The following COPG2 variants were observed in gnomAD, a reference collection of about 807,000 sequenced individuals.
COPG2 encodes the protein coat protein complex I subunit gamma 2, also known as coatomer subunit gamma-2.
Under a neutral mutation model 46.3 loss-of-function variants are expected in COPG2, and 37 were observed. That is an observed-to-expected ratio of 0.80 (90% CI 0.61 to 1.05). The LOEUF (loss-of-function observed/expected upper bound fraction) is 1.05. COPG2 is among the 50% of genes least tolerant of loss of function. The pLI is 0.00. For synonymous variants in COPG2, 159 were observed against 129.7 expected (o/e 1.23, Z -1.53); for missense variants, 427 against 387.8 (o/e 1.10, Z -0.85).
chr7:130,560,963 T>C (rs1793709584), intron 12 of COPG2, 70 bp downstream of exon 12: 2 of 398,042 alleles, frequency 5.0e-6, no homozygotes, highest in South Asian at 1.3e-4. Flanking sequence ...GCTTCTCAAA[T>C]GATACCGTTA....
intron 17 of COPG2, 85 bp downstream of exon 17, chr7:130,550,439 C>T (rs1793520244): frequency 4.5e-6 from 1 of 223,672 alleles, no homozygotes; most frequent in Non-Finnish European, 7.9e-6. Context: ...AAAAGAGTGA[C>T]AATTAAATGA....
At chr7:130,565,135 A>G (rs2116407368) in intron 9 of COPG2, among the ~76,000 whole-genome samples, 1 of 152,354 alleles carries the variant, frequency 6.6e-6, no homozygotes, top group South Asian at 2.1e-4. Context: ...AACAGCCACT[A>G]AAGACCTGAC....
chr7:130,611,190 C>T (rs11764222), intron 8 of COPG2, 80 bp from the exon 9 acceptor site: 196 of 1,315,098 alleles, frequency 1.5e-4, no homozygotes, highest in Non-Finnish European at 2.0e-4. Flanking sequence ...TTACACGGAA[C>T]TAGATTAAAG....
intron 20 of COPG2, among the ~76,000 whole-genome samples, chr7:130,533,131 G>A (rs955835053): frequency 6.6e-6 from 1 of 152,128 alleles, no homozygotes; most frequent in Non-Finnish European, 1.5e-5. Context: ...GAGCAGCTTA[G>A]AGAGGTGAGC....
At chr7:130,658,731 AGT>A (rs1297716968) in intron 4 of COPG2, among the ~76,000 whole-genome samples, 2 of 151,480 alleles carry the variant, frequency 1.3e-5, no homozygotes, top group Non-Finnish European at 2.9e-5. Flanking sequence ...CCTGGGCTGG[AGT>A]GCAGTGGCAC....
chr7:130,664,856 T>C (rs1313659684), intron 3 of COPG2, among the ~76,000 whole-genome samples: 2 of 152,222 alleles, frequency 1.3e-5, no homozygotes, highest in African/African-American at 4.8e-5. Flanking sequence ...GGGATTATGT[T>C]GTTTGTGAAC....
chr7:130,590,145 G>A (rs1044498784), intron 9 of COPG2, among the ~76,000 whole-genome samples: 2 of 151,964 alleles, frequency 1.3e-5, no homozygotes, highest in African/African-American at 4.8e-5. Flanking sequence ...TTTTATGAAT[G>A]TAAGAGTCCA....
chr7:130,631,843 T>C (rs1022586446), intron 5 of COPG2, among the ~76,000 whole-genome samples: 1 of 152,214 alleles, frequency 6.6e-6, no homozygotes, highest in Non-Finnish European at 1.5e-5. Flanking sequence ...CTTCATTTCT[T>C]TGCATAGATC....
At position 130,578,536 on chromosome 7, in the gene COPG2, G is replaced by C. The variant is rs1203877532; in HGVS notation, c.738-14143C>G. The stretch of plus-strand genomic sequence containing the variant: ...GAGCTGAGAGAAGAAGGCTTCAGAC[G>C]ATCAAATTACTCTGAGCTACGGGAG... On this transcript the variant is annotated intron_variant, in intron 9 of 23. Coordinates refer to ENST00000425248, the MANE Select transcript of COPG2 (RefSeq NM_012133.6). Among the ~76,000 whole-genome samples the C allele has an allele frequency of 5.3e-5, 8 of 150,894 alleles. No homozygotes were observed. The South Asian group carries it at 1.5e-3, about 28-fold the overall frequency.
At chr7:130,612,828 C>T (rs1227189354) in intron 7 of COPG2, among the ~76,000 whole-genome samples, 15 of 152,062 alleles carry the variant, frequency 9.9e-5, no homozygotes, top group Admixed American at 3.3e-4. Flanking sequence ...GAAGGATACA[C>T]GTAGACAAAG....
At chr7:130,567,655 C>T (rs930910908) in intron 9 of COPG2, among the ~76,000 whole-genome samples, 150 of 152,164 alleles carry the variant, frequency 9.9e-4, no homozygotes, top group African/African-American at 3.2e-3. Context: ...GGGGTCCTAT[C>T]GATAGCCTCC....
intron 20 of COPG2, among the ~76,000 whole-genome samples, chr7:130,534,989 C>T (rs1481180835): frequency 2.0e-5 from 3 of 151,998 alleles, no homozygotes; most frequent in Non-Finnish European, 2.9e-5. Flanking sequence ...AAAAGGCAGC[C>T]GTAAGGGAAG....
chr7:130,660,194 G>A (rs191470833), intron 4 of COPG2, among the ~76,000 whole-genome samples: 1 of 152,182 alleles, frequency 6.6e-6, no homozygotes, highest in Admixed American at 6.5e-5. Flanking sequence ...ATCACATCAT[G>A]CTGTACATGG....
At chr7:130,646,728 G>C (rs1299092219) in intron 5 of COPG2, among the ~76,000 whole-genome samples, 3 of 151,846 alleles carry the variant, frequency 2.0e-5, no homozygotes, top group African/African-American at 7.3e-5. Flanking sequence ...GTTCTCATGA[G>C]ATCTGATAGT....
At chr7:130,544,567 C>T (rs1346356817) in intron 20 of COPG2, among the ~76,000 whole-genome samples, 1 of 151,704 alleles carries the variant, frequency 6.6e-6, no homozygotes, top group Non-Finnish European at 1.5e-5. Flanking sequence ...TAAATAAAAG[C>T]AATATAAAGA....
At chr7:130,570,486 T>C (rs566729372) in intron 9 of COPG2, among the ~76,000 whole-genome samples, 1 of 152,100 alleles carries the variant, frequency 6.6e-6, no homozygotes, top group South Asian at 2.1e-4. Context: ...TAGGAATATA[T>C]CTAACCAAGG....
rs1005061513 is a variant in COPG2 at position 130,552,446 on chromosome 7, C to T, written c.1469-16G>A. 27 of 397,862 alleles carry T rather than the reference C, an allele frequency of 6.8e-5. No homozygotes were observed. The highest frequency in any genetic ancestry group is 5.6e-4 in the African/African-American group (27 of 48,482). The allele number at this position is 397,862 out of a possible 1,614,324, so 24.6% of individuals were successfully genotyped here. On this transcript the variant is annotated splice_polypyrimidine_tract_variant and intron_variant, in intron 14 of 23. Coordinates refer to ENST00000425248, the MANE Select transcript of COPG2 (RefSeq NM_012133.6). ...CTCACAGCAGCTATAATGAAGCATA[C>T]AATTATGGTACATAAATATTGGTTT...
At chr7:130,643,898 G>T (rs1286443438) in intron 5 of COPG2, among the ~76,000 whole-genome samples, 1 of 152,196 alleles carries the variant, frequency 6.6e-6, no homozygotes, top group Non-Finnish European at 1.5e-5. Context: ...GAGCCCAGAA[G>T]TTGGAGGTTG....
chr7:130,654,799 G>A (rs1795816554), intron 4 of COPG2, among the ~76,000 whole-genome samples: 1 of 151,450 alleles, frequency 6.6e-6, no homozygotes, highest in African/African-American at 2.4e-5. Context: ...CTTTATTTTG[G>A]ACTTCTACTG....
Sources: allele counts gnomAD v4.1 joint callset (sites outside exome capture counted in the v4.1 genomes callset), GRCh38; gene constraint gnomAD v4.1.1; transcripts MANE v1.5; gene names NCBI Gene and HGNC (gene_info 2026-07-23, HGNC 2026-07-21).